Variants in PICK1 observed in about 807,000 individuals in gnomAD.
The protein encoded by PICK1 is PRKCA-binding protein.
PICK1 carries 23 observed loss-of-function variants against 48.9 expected under a neutral mutation model. The ratio of observed to expected loss-of-function variants is 0.47; its 90% confidence interval spans 0.34 to 0.67. PICK1 has a LOEUF of 0.67. Among genes scored for constraint, PICK1 ranks in the 30% least tolerant of loss-of-function variants. The pLI is 0.01. For synonymous variants in PICK1, 217 were observed against 228.2 expected, an observed-to-expected ratio of 0.95 and a Z score of 0.44; for missense variants, 423 against 557.1, an observed-to-expected ratio of 0.76 and a Z score of 2.42.
At position 38,067,728 on chromosome 22, in the gene PICK1, A is replaced by G. The variant is rs749368799; in HGVS notation, c.307A>G (p.Lys103Glu). ...VKGEVTIHYNKLQADPKQGMS... is the reference protein window; with the variant it reads ...VKGEVTIHYNELQADPKQGMS... ...GGGGGAGGTGACCATCCACTACAAC[A>G]AGCTGCAGGCGGACCCCAAGCAGGG... is the stretch of plus-strand genomic sequence containing the variant. The change falls in exon 5 of 13, where the codon AAG becomes GAG. Residue 103 changes from lysine to glutamate, a missense_variant. Physicochemically the swap from Lys to Glu is moderately conservative, Grantham distance 56. Coordinates refer to ENST00000356976, the MANE Select transcript of PICK1 (RefSeq NM_012407.4). The G allele has an allele frequency of 3.1e-6, 5 of 1,614,028 alleles. No homozygotes were observed. The highest frequency in any genetic ancestry group is 4.2e-6 in the Non-Finnish European group (5 of 1,179,908).
intron 6 of PICK1, among the ~76,000 whole-genome samples, chr22:38,070,327 C>T (rs1474301268): frequency 6.6e-6 from 1 of 152,262 alleles, no homozygotes; most frequent in African/African-American, 2.4e-5. Context: ...AGACTTGGCT[C>T]AAAGTGAGCC....
At chr22:38,068,920 C>A in intron 5 of PICK1, 113 bp from the exon 6 acceptor site, 1 of 841,918 alleles carries the variant, frequency 1.2e-6, no homozygotes, top group South Asian at 1.4e-5. Flanking sequence ...ACAGCCACCC[C>A]CAGCAGCCCT....
Position 38,069,997 on chromosome 22 carries a change from C to T in PICK1, c.440-841C>T, listed in dbSNP as rs16998703. Among the ~76,000 whole-genome samples the T allele has an allele frequency of 1.1e-3, 169 of 152,340 alleles. 1 individual carries two copies. The East Asian group carries it at 0.025, about 22-fold the overall frequency. ...GATGCTTACATGGCTCCTTTCCTGC[C>T]GCTGGCCAGGTGCTAAGGCTCTGGG... is the stretch of plus-strand genomic sequence containing the variant. On this transcript the variant is annotated intron_variant, in intron 6 of 12. Transcript: ENST00000356976.
chr22:38,060,180 C>T (rs765691838), intron 3 of PICK1, among the ~76,000 whole-genome samples: 1 of 152,180 alleles, frequency 6.6e-6, no homozygotes, highest in Non-Finnish European at 1.5e-5. Flanking sequence ...CACTGCATTC[C>T]GTGCATTCCA....
intron 4 of PICK1, 31 bp downstream of exon 4, chr22:38,065,161 G>A (rs374134468): frequency 3.1e-6 from 5 of 1,605,716 alleles, no homozygotes; most frequent in South Asian, 1.1e-5. Context: ...GGTGTCCAGA[G>A]GCAGCAACAC....
intron 6 of PICK1, 62 bp from the exon 7 acceptor site, chr22:38,070,776 G>A: frequency 6.9e-7 from 1 of 1,458,066 alleles, no homozygotes; most frequent in Non-Finnish European, 9.6e-7. Flanking sequence ...CCCCAGCATG[G>A]CCCTGGGCCT....
At chr22:38,057,673 G>GA in intron 1 of PICK1, 80 bp from the exon 2 acceptor site, 1 of 587,166 alleles carries the variant, frequency 1.7e-6, no homozygotes, top group Non-Finnish European at 2.9e-6. Flanking sequence ...TCCCGTATGA[G>GA]GTGGTGGAGG....
In PICK1 at chr22:38,074,017, C is replaced by T; in HGVS notation, c.834+194C>T. Reference sequence around the variant, plus strand: ...GGCACCCGGCCGGGAACCACTCCCTCAGTCTGGGGGACTCTTGGAGGGAAA... The same window carrying T: ...GGCACCCGGCCGGGAACCACTCCCTTAGTCTGGGGGACTCTTGGAGGGAAA... On this transcript the variant is annotated intron_variant, in intron 11 of 12. Coordinates refer to ENST00000356976, the MANE Select transcript of PICK1 (RefSeq NM_012407.4). The surrounding 1 kb of genome is among the most constrained non-coding windows in gnomAD (Gnocchi z 4.5). 1 of 655,002 alleles carries T rather than the reference C, an allele frequency of 1.5e-6. No homozygotes were observed. The allele number at this position is 655,002 out of a possible 1,614,324, so 40.6% of individuals were successfully genotyped here. A position where few individuals can be genotyped will look rare whatever the true frequency, so the allele number is the denominator to read the frequency against.
At chr22:38,062,770 A>G (rs1232851269) in intron 3 of PICK1, among the ~76,000 whole-genome samples, 4 of 152,134 alleles carry the variant, frequency 2.6e-5, no homozygotes, top group Non-Finnish European at 5.9e-5. Context: ...TGTGGTTCCC[A>G]TATTCCTTTC....
rs148432595 is a variant in PICK1 at position 38,058,128 on chromosome 22, G to A, written c.41+278G>A. On this transcript the variant is annotated intron_variant, in intron 2 of 12. Transcript: ENST00000356976. The stretch of plus-strand genomic sequence containing the variant: ...GCAGTGCTTCTGCTGGGATGGTCAA[G>A]GAAAGCTTCATGGAGGACGTAGCAA... The A allele has an allele frequency of 1.1e-3, 579 of 517,376 alleles. 3 individuals are homozygous for A. Among genetic ancestry groups the A allele is most frequent in the African/African-American group, 9.8e-3 (512 of 52,480 alleles). The allele number at this position is 517,376 out of a possible 1,614,324, so 32.0% of individuals were successfully genotyped here.
rs2085788017 is a variant in PICK1 at position 38,074,590 on chromosome 22, C to G, written c.979+139C>G. 8.0e-7 allele frequency: 1 copy of G among 1,248,182 alleles called. No homozygotes were observed. Among genetic ancestry groups the G allele is most frequent in the Non-Finnish European group, 1.1e-6 (1 of 874,370 alleles). The allele number at this position is 1,248,182 out of a possible 1,614,324, so 77.3% of individuals were successfully genotyped here. A position where few individuals can be genotyped will look rare whatever the true frequency, so the allele number is the denominator to read the frequency against. On this transcript the variant is annotated intron_variant, in intron 12 of 12. Coordinates refer to ENST00000356976, the MANE Select transcript of PICK1 (RefSeq NM_012407.4). The surrounding 1 kb of genome is among the most constrained non-coding windows in gnomAD (Gnocchi z 4.5). ...CCCAGCCATCTGCCCAGAGCCTGGCCTGGGTGGAGCTGGCCTGTGCGCGTG... is the reference window on the plus strand; with the variant it reads ...CCCAGCCATCTGCCCAGAGCCTGGCGTGGGTGGAGCTGGCCTGTGCGCGTG...
In PICK1 at chr22:38,074,156, T is replaced by C. The variant is rs2085770792; in HGVS notation, c.835-151T>C. Reference sequence around the variant, plus strand: ...TGGCAGAGGTTTGGGTTTGGTTTTTTCCTCTCTTCAAAGCTATCACTGAGT... The same window carrying C: ...TGGCAGAGGTTTGGGTTTGGTTTTTCCCTCTCTTCAAAGCTATCACTGAGT... On this transcript the variant is annotated intron_variant, in intron 11 of 12. Coordinates refer to ENST00000356976, the MANE Select transcript of PICK1 (RefSeq NM_012407.4). The surrounding 1 kb of genome is among the most constrained non-coding windows in gnomAD (Gnocchi z 4.5). 6.4e-6 allele frequency: 6 copies of C among 933,268 alleles called. No homozygotes were observed. Among genetic ancestry groups the C allele is most frequent in the Middle Eastern group, 3.3e-4 (1 of 3,000 alleles). 57.8% of individuals were successfully genotyped at this position (933,268 alleles called of 1,614,324 possible).
At chr22:38,069,787 C>T (rs551796607) in intron 6 of PICK1, among the ~76,000 whole-genome samples, 3 of 152,282 alleles carry the variant, frequency 2.0e-5, no homozygotes, top group African/African-American at 7.2e-5. Flanking sequence ...GTGGCGGCTG[C>T]TATTTTCAGC....
intron 3 of PICK1, among the ~76,000 whole-genome samples, chr22:38,063,386 G>A (rs73170738): frequency 2.0e-5 from 3 of 151,498 alleles, no homozygotes; most frequent in African/African-American, 4.8e-5. Flanking sequence ...TTCCCACCTC[G>A]GTTTCCCAAA....
chr22:38,072,737 G>C, intron 9 of PICK1, 127 bp downstream of exon 9: 1 of 1,357,348 alleles, frequency 7.4e-7, no homozygotes, highest in Non-Finnish European at 1.0e-6. Context: ...CACCCACACA[G>C]TGGACTGTGG....
At position 38,074,693 on chromosome 22, in the gene PICK1, G is replaced by T. The variant is rs940185490; in HGVS notation, c.980-171G>T. ...CCTGAACTGGGAGCGGGGAGGCCCC[G>T]GGCTGGGCGGCCCCTGCCTCCGCCC... On this transcript the variant is annotated intron_variant, in intron 12 of 12. Transcript: ENST00000356976. This position sits in a 1 kb window ranked among gnomAD's most constrained non-coding sequence, Gnocchi z 4.5. 6.6e-6 allele frequency among the ~76,000 whole-genome samples: 1 copy of T among 152,168 alleles called. No individual in the cohort carries two copies. The highest frequency in any genetic ancestry group is 1.5e-5 in the Non-Finnish European group (1 of 68,026).
chr22:38,065,039 T>G lies in PICK1; in HGVS notation c.191T>G (p.Val64Gly). 6.2e-7 allele frequency: 1 copy of G among 1,614,068 alleles called. No individual in the cohort carries two copies. ...DNTPAALDGT[V>G]AAGDEITGVN... ...ACCCCAGCAGCCTTGGACGGCACAG[T>G]GGCAGCTGGCGATGAGATCACCGGT... The change falls in exon 4 of 13, where the codon GTG (valine) becomes GGG (glycine). Residue 64 changes from valine to glycine, a missense_variant. Physicochemically the swap from Val to Gly is moderately radical, Grantham distance 109. Around this residue, in one of 2 missense-constraint regions of PICK1, gnomAD observed 279 missense variants for 417.8 expected, o/e 0.67. Transcript: ENST00000356976.
At chr22:38,065,850 A>T (rs1243470339) in intron 4 of PICK1, among the ~76,000 whole-genome samples, 1 of 152,058 alleles carries the variant, frequency 6.6e-6, no homozygotes, top group Non-Finnish European at 1.5e-5. Flanking sequence ...GTGCACAGCC[A>T]TGGGGTGATT....
In PICK1 at chr22:38,069,060, T is replaced by C. The variant is rs773477637; in HGVS notation, c.377T>C (p.Val126Ala). Residue 126 changes from valine (V) to alanine (A), a missense_variant, in exon 6 of 13, where the codon GTG (valine) becomes GCG (alanine). By Grantham distance (64) the Val-to-Ala change is moderately conservative. Coordinates refer to ENST00000356976, the MANE Select transcript of PICK1 (RefSeq NM_012407.4). The stretch of plus-strand genomic sequence containing the variant: ...TTGAAGAAAGTCAAGCACCGGCTGG[T>C]GGAGAACATGAGTTCAGGGACCGCA... ...IVLKKVKHRL[V>A]ENMSSGTADA... 6.2e-7 allele frequency: 1 copy of C among 1,608,884 alleles called. No individual in the cohort carries two copies. Among genetic ancestry groups the C allele is most frequent in the Non-Finnish European group, 8.5e-7 (1 of 1,178,376 alleles).
Sources: allele counts gnomAD v4.1 joint callset (sites outside exome capture counted in the v4.1 genomes callset), GRCh38; gene constraint gnomAD v4.1.1; regional missense constraint gnomAD v4.1.1; non-coding constraint Gnocchi (gnomAD v3.1); transcripts MANE v1.5; gene names NCBI Gene and HGNC (gene_info 2026-07-23, HGNC 2026-07-21).